The following CTNNA3 variants were observed in gnomAD, a reference collection of about 807,000 sequenced individuals.
CTNNA3 encodes catenin alpha-3.
Under a neutral mutation model 95.7 loss-of-function variants are expected in CTNNA3, and 76 were observed. The ratio of observed to expected loss-of-function variants is 0.79; its 90% CI spans 0.66 to 0.96. The LOEUF (loss-of-function observed/expected upper bound fraction) is 0.96, where lower values mean the gene tolerates loss of function less well. Ranked by LOEUF, CTNNA3 falls within the 40% of genes least tolerant of loss-of-function variation. The probability of loss-of-function intolerance (pLI) is 0.00; values close to 1 mark genes in which losing one functional copy is unlikely to be tolerated. For missense variants in CTNNA3, 1,191 were observed against 1,089.8 expected (o/e 1.09, Z -1.31); for synonymous variants, 431 against 374.4 (o/e 1.15, Z -1.74).
intron 9 of CTNNA3, among the ~76,000 whole-genome samples, chr10:66,721,779 C>T (rs1848635194): frequency 1.3e-5 from 2 of 152,176 alleles, no homozygotes; most frequent in African/African-American, 4.8e-5. Context: ...AAATGTAATA[C>T]CTGCTCTTAC....
At chr10:66,582,354 A>G (rs1843217364) in intron 10 of CTNNA3, among the ~76,000 whole-genome samples, 1 of 151,610 alleles carries the variant, frequency 6.6e-6, no homozygotes, top group Admixed American at 6.6e-5. Context: ...GAGATACTAC[A>G]CCTCCTTGGT....
At position 66,628,199 on chromosome 10, in the gene CTNNA3, G is replaced by A. The variant is rs149924762; in HGVS notation, c.1282-6415C>T. ...TAAAAATAATAATTTATCTCTATCT[G>A]GAACTGAATCATTGTTAATATAAAT... is the stretch of plus-strand genomic sequence containing the variant. On this transcript the variant is annotated intron_variant, in intron 9 of 17. Transcript: ENST00000433211. Among the ~76,000 whole-genome samples, 7 of 152,100 alleles carry A rather than the reference G, an allele frequency of 4.6e-5. No individual in the cohort carries two copies. In the East Asian group the frequency reaches 7.7e-4, roughly 17 times the overall value.
chr10:67,701,668 T>C (rs1435577343), intron 1 of CTNNA3, among the ~76,000 whole-genome samples: 1 of 152,088 alleles, frequency 6.6e-6, no homozygotes, highest in East Asian at 1.9e-4. Context: ...CTGCTGCAAA[T>C]TCATGCCAAA....
At position 66,577,401 on chromosome 10, in the gene CTNNA3, A is replaced by G; in HGVS notation, c.1374+44291T>C. ...GGAACTTAGTCATAAATTCTTTGCA[A>G]AGGCCCATGTCCAGAATGGTATTTC... On this transcript the variant is annotated intron_variant, in intron 10 of 17. Transcript: ENST00000433211. Among the ~76,000 whole-genome samples the G allele has an allele frequency of 1.3e-5, 2 of 152,042 alleles. 1 individual carries two copies. The highest frequency in any genetic ancestry group is 3.9e-4 in the East Asian group (2 of 5,194).
chr10:67,345,417 G>C (rs1472229004), intron 5 of CTNNA3, among the ~76,000 whole-genome samples: 1 of 152,036 alleles, frequency 6.6e-6, no homozygotes, highest in East Asian at 1.9e-4. Context: ...TCTGTTCAAT[G>C]CTGAAAGTGG....
chr10:67,616,797 T>C lies in CTNNA3; in HGVS notation c.100-9748A>G, dbSNP rs190220508. Among the ~76,000 whole-genome samples, 61 of 152,348 alleles carry C rather than the reference T, an allele frequency of 4.0e-4. No homozygotes were observed. The East Asian group carries it at 0.011, about 27-fold the overall frequency. ...TTGAAAGAGGTAAAAGTTGGAGATATGTTTCGTATAGGTTACTTTTTCAAT... is the reference window on the plus strand; with the variant it reads ...TTGAAAGAGGTAAAAGTTGGAGATACGTTTCGTATAGGTTACTTTTTCAAT... On this transcript the variant is annotated intron_variant, in intron 2 of 17. Coordinates refer to ENST00000433211, the MANE Select transcript of CTNNA3 (RefSeq NM_013266.4).
chr10:66,524,681 A>T (rs138688896), intron 10 of CTNNA3, among the ~76,000 whole-genome samples: 153 of 152,334 alleles, frequency 1.0e-3, no homozygotes, highest in African/African-American at 3.5e-3. Context: ...AATGGAACTG[A>T]GGCTACAAGG....
intron 7 of CTNNA3, among the ~76,000 whole-genome samples, chr10:67,142,153 C>T (rs887131786): frequency 1.3e-5 from 2 of 151,774 alleles, no homozygotes; most frequent in African/African-American, 2.4e-5. Flanking sequence ...TATATTAGGA[C>T]GTAGTCGGGG....
At chr10:67,110,579 C>T (rs537214633) in intron 7 of CTNNA3, among the ~76,000 whole-genome samples, 9 of 152,202 alleles carry the variant, frequency 5.9e-5, no homozygotes, top group African/African-American at 1.9e-4. Context: ...TAAGGTATAA[C>T]AATAGCTGAA....
At chr10:66,437,629 T>A (rs2093347483) in intron 11 of CTNNA3, among the ~76,000 whole-genome samples, 1 of 152,240 alleles carries the variant, frequency 6.6e-6, no homozygotes, top group South Asian at 2.1e-4. Context: ...CTTAGCTTCC[T>A]TGCATTTGGT....
chr10:67,726,844 A>G (rs1441849755), intron 1 of CTNNA3, among the ~76,000 whole-genome samples: 3 of 113,522 alleles, frequency 2.6e-5, no homozygotes, highest in African/African-American at 7.2e-5. Context: ...TATAATATAT[A>G]GTATAATTAT....
At chr10:66,209,202 T>C (rs575712477) in intron 13 of CTNNA3, among the ~76,000 whole-genome samples, 1 of 152,272 alleles carries the variant, frequency 6.6e-6, no homozygotes, top group South Asian at 2.1e-4. Context: ...ATTTATTCAT[T>C]GAACAAATAT....
intron 5 of CTNNA3, among the ~76,000 whole-genome samples, chr10:67,372,355 T>C (rs1843503983): frequency 6.6e-6 from 1 of 152,196 alleles, no homozygotes; most frequent in Non-Finnish European, 1.5e-5. Context: ...GTTTTTATGG[T>C]TTTAGGTCTA....
At chr10:66,183,269 T>A (rs2086148966) in intron 13 of CTNNA3, among the ~76,000 whole-genome samples, 1 of 152,232 alleles carries the variant, frequency 6.6e-6, no homozygotes, top group African/African-American at 2.4e-5. Context: ...GGACACACCA[T>A]GCCCATGTGT....
intron 7 of CTNNA3, among the ~76,000 whole-genome samples, chr10:67,121,900 T>A (rs1343142623): frequency 6.6e-6 from 1 of 151,406 alleles, no homozygotes; most frequent in Non-Finnish European, 1.5e-5. Context: ...AAATCTGAAT[T>A]TTTTATGTGA....
chr10:66,106,014 C>A (rs1415597632), intron 13 of CTNNA3, among the ~76,000 whole-genome samples: 1 of 152,118 alleles, frequency 6.6e-6, no homozygotes, highest in Non-Finnish European at 1.5e-5. Context: ...TCGAGACCAG[C>A]CTGACCAACA....
intron 9 of CTNNA3, among the ~76,000 whole-genome samples, chr10:66,692,631 G>A (rs1242613991): frequency 6.6e-6 from 1 of 152,070 alleles, no homozygotes; most frequent in Admixed American, 6.5e-5. Flanking sequence ...GACACTCCTC[G>A]AGAAGAGCAA....
chr10:67,480,942 C>T (rs777755856), intron 5 of CTNNA3, among the ~76,000 whole-genome samples: 4 of 152,084 alleles, frequency 2.6e-5, no homozygotes, highest in South Asian at 2.1e-4. Context: ...AGGGACGCAA[C>T]GTTGGTTCAA....
chr10:67,364,894 C>G lies in CTNNA3; in HGVS notation c.580-145024G>C, dbSNP rs1843148226. 3.9e-5 allele frequency among the ~76,000 whole-genome samples: 6 copies of G among 152,064 alleles called. No homozygotes were observed. In the South Asian group the frequency reaches 1.2e-3, roughly 32 times the overall value. On this transcript the variant is annotated intron_variant, in intron 5 of 17. Coordinates refer to ENST00000433211, the MANE Select transcript of CTNNA3 (RefSeq NM_013266.4). ...ACCTACTTTAAAATTCATATGGAACCAAAAAAGAGCCCACATAGCCAAGAC... is the reference window on the plus strand; with the variant it reads ...ACCTACTTTAAAATTCATATGGAACGAAAAAAGAGCCCACATAGCCAAGAC...
Sources: gnomAD v4.1 joint callset for allele counts (sites outside exome capture counted in the v4.1 genomes callset) on GRCh38, gnomAD v4.1.1 for gene constraint, MANE v1.5 for transcripts, NCBI Gene and HGNC (gene_info 2026-07-23, HGNC 2026-07-21) for gene names.